Variants in FAM219A observed in about 807,000 individuals in gnomAD.
FAM219A encodes protein FAM219A.
In FAM219A, 7 loss-of-function variants were observed where a neutral mutation model predicts 23.4. The ratio of observed to expected loss-of-function variants is 0.30; its 90% confidence interval spans 0.17 to 0.56. FAM219A has a LOEUF of 0.56. FAM219A is among the 20% of genes least tolerant of loss of function. The probability of loss-of-function intolerance (pLI) is 0.92; values close to 1 mark genes in which losing one functional copy is unlikely to be tolerated. For missense variants in FAM219A, 166 were observed against 246.9 expected, an observed-to-expected ratio of 0.67 and a Z score of 2.20; for synonymous variants, 93 against 99.0, an observed-to-expected ratio of 0.94 and a Z score of 0.36.
At chr9:34,416,069 C>T (rs1374333302) in intron 1 of FAM219A, among the ~76,000 whole-genome samples, 5 of 151,654 alleles carry the variant, frequency 3.3e-5, no homozygotes, top group South Asian at 2.1e-4. Flanking sequence ...CCCAGCTACT[C>T]GGAAGGCTGA....
At chr9:34,438,869 C>T (rs138214520) in intron 1 of FAM219A, among the ~76,000 whole-genome samples, 220 of 152,354 alleles carry the variant, frequency 1.4e-3, no homozygotes, top group African/African-American at 5.1e-3. Context: ...AGGTCCCCAT[C>T]CACACTGTGG....
chr9:34,412,490 A>C (rs1821857711), intron 1 of FAM219A, among the ~76,000 whole-genome samples: 1 of 152,164 alleles, frequency 6.6e-6, no homozygotes. Flanking sequence ...TTGGACACCC[A>C]GATGATACCA....
At chr9:34,437,957 T>C (rs1201778457) in intron 1 of FAM219A, among the ~76,000 whole-genome samples, 1 of 151,716 alleles carries the variant, frequency 6.6e-6, no homozygotes, top group African/African-American at 2.4e-5. Flanking sequence ...GGGCTGCGCG[T>C]GGCGCTTGCG....
intron 1 of FAM219A, among the ~76,000 whole-genome samples, chr9:34,440,221 C>T (rs115156505): frequency 1.0e-3 from 158 of 152,344 alleles, no homozygotes; most frequent in African/African-American, 3.6e-3. Context: ...CTCAGACTTC[C>T]TGCTCCATCA....
At chr9:34,416,191 G>GAAAGAAAGAAAA (rs1377110512) in intron 1 of FAM219A, among the ~76,000 whole-genome samples, 1 of 18,968 alleles carries the variant, frequency 5.3e-5, no homozygotes, top group Non-Finnish European at 1.1e-4. Flanking sequence ...AGAAAAGAAA[G>GAAAGAAAGAAAA]AAAGAAAGAA....
chr9:34,452,713 C>T (rs1255797915), intron 1 of FAM219A, among the ~76,000 whole-genome samples: 1 of 152,202 alleles, frequency 6.6e-6, no homozygotes, highest in Non-Finnish European at 1.5e-5. Context: ...CAAATGCACT[C>T]CTTTGTTTCT....
intron 1 of FAM219A, among the ~76,000 whole-genome samples, chr9:34,415,496 A>G (rs1821969100): frequency 6.6e-6 from 1 of 152,214 alleles, no homozygotes. Context: ...TTCTACTATA[A>G]AGTAATACAT....
chr9:34,422,579 A>G (rs1043852422), intron 1 of FAM219A, among the ~76,000 whole-genome samples: 3 of 152,226 alleles, frequency 2.0e-5, no homozygotes, highest in African/African-American at 7.2e-5. Flanking sequence ...GCCCCTCTTT[A>G]GAAAATAGCA....
intron 1 of FAM219A, among the ~76,000 whole-genome samples, chr9:34,446,446 GTACAC>G (rs1823378432): frequency 1.3e-5 from 2 of 152,202 alleles, no homozygotes; most frequent in African/African-American, 4.8e-5. Flanking sequence ...CACGTTTATA[GTACAC>G]ACACATAACA....
intron 1 of FAM219A, among the ~76,000 whole-genome samples, chr9:34,435,316 C>A (rs1822861400): frequency 2.0e-5 from 3 of 152,164 alleles, no homozygotes; most frequent in Admixed American, 6.5e-5. Flanking sequence ...ATTCATCTTA[C>A]CCCCTTTTGG....
At position 34,458,113 on chromosome 9, in the gene FAM219A, C is replaced by T. The variant is rs1048637172; in HGVS notation, c.60+91G>A. ...ATCTCTTTGCCCCATCCGATGGCGCCCCTCCGCACGATCCCCCCGGCCTGA... is the reference window on the plus strand; with the variant it reads ...ATCTCTTTGCCCCATCCGATGGCGCTCCTCCGCACGATCCCCCCGGCCTGA... On this transcript the variant is annotated intron_variant, in intron 1 of 5. Transcript: ENST00000651358. The surrounding 1 kb of genome is among the most constrained non-coding windows in gnomAD (Gnocchi z 6.6). 1.6e-6 allele frequency: 2 copies of T among 1,266,148 alleles called. No homozygotes were observed. The highest frequency in any genetic ancestry group is 1.5e-5 in the African/African-American group (1 of 65,094). The allele number at this position is 1,266,148 out of a possible 1,614,324, so 78.4% of individuals were successfully genotyped here. A position where few individuals can be genotyped will look rare whatever the true frequency, so the allele number is the denominator to read the frequency against.
intron 1 of FAM219A, among the ~76,000 whole-genome samples, chr9:34,428,663 G>A (rs761884246): frequency 1.3e-4 from 20 of 152,212 alleles, no homozygotes; most frequent in Non-Finnish European, 2.2e-4. Context: ...CAGAGCATCC[G>A]CTGTGAGGAA....
intron 1 of FAM219A, among the ~76,000 whole-genome samples, chr9:34,412,921 C>T (rs1821875556): frequency 6.6e-6 from 1 of 152,092 alleles, no homozygotes; most frequent in African/African-American, 2.4e-5. Flanking sequence ...ACAGGCCGTT[C>T]TTTAAAAGAG....
At chr9:34,439,714 A>T (rs1403623592) in intron 1 of FAM219A, among the ~76,000 whole-genome samples, 2 of 152,118 alleles carry the variant, frequency 1.3e-5, no homozygotes, top group Non-Finnish European at 2.9e-5. Context: ...AGCCTGGGAC[A>T]TTAGAGAAGT....
In FAM219A at chr9:34,399,070, T is replaced by G. The variant is rs1821328823; in HGVS notation, c.*1894A>C. The G allele has an allele frequency of 6.6e-6, 1 of 152,090 alleles. No individual in the cohort carries two copies. The allele number at this position is 152,090 out of a possible 1,614,324, so 9.4% of individuals were successfully genotyped here. ...AAGCCAACAGTCTCACTCCCTCCTC[T>G]CATTGCTCCCCATTCCAGCTCCCAC... On this transcript the variant is annotated 3_prime_UTR_variant, in exon 6 of 6. Coordinates refer to ENST00000651358, the MANE Select transcript of FAM219A (RefSeq NM_001184940.2).
chr9:34,424,579 TC>T (rs1286132439), intron 1 of FAM219A, among the ~76,000 whole-genome samples: 2 of 152,132 alleles, frequency 1.3e-5, no homozygotes, highest in Non-Finnish European at 2.9e-5. Flanking sequence ...TGGCCTATCG[TC>T]CCCAGGCTAT....
At position 34,430,102 on chromosome 9, in the gene FAM219A, A is replaced by T. The variant is rs577991613; in HGVS notation, c.61-24138T>A. On this transcript the variant is annotated intron_variant, in intron 1 of 5. Transcript: ENST00000651358. ...TGGTGACCTCAACAGAGAGCTAGAC[A>T]TGTGTGGGGGGAGGTAGGGCAGCAC... Among the ~76,000 whole-genome samples the T allele has an allele frequency of 6.6e-5, 10 of 152,304 alleles. No individual in the cohort carries two copies. In the South Asian group the frequency reaches 2.1e-3, roughly 32 times the overall value.
intron 1 of FAM219A, among the ~76,000 whole-genome samples, chr9:34,408,257 C>T (rs1821710817): frequency 6.6e-6 from 1 of 152,214 alleles, no homozygotes; most frequent in Non-Finnish European, 1.5e-5. Context: ...GACTAATAGA[C>T]AGCACCTGTC....
intron 1 of FAM219A, among the ~76,000 whole-genome samples, 162 bp from the exon 2 acceptor site, chr9:34,406,126 C>T (rs1386952798): frequency 1.3e-5 from 2 of 152,190 alleles, no homozygotes; most frequent in South Asian, 2.1e-4. Context: ...GACCCATCTA[C>T]CGTGGGACAA....
Sources: allele counts gnomAD v4.1 joint callset (sites outside exome capture counted in the v4.1 genomes callset), GRCh38; gene constraint gnomAD v4.1.1; non-coding constraint Gnocchi (gnomAD v3.1); transcripts MANE v1.5; gene names NCBI Gene and HGNC (gene_info 2026-07-23, HGNC 2026-07-21).